SLC2A13: variants seen among roughly 807,000 people sequenced by gnomAD.
The protein encoded by SLC2A13 is solute carrier family 2 member 13.
Under a neutral mutation model 64.4 loss-of-function variants are expected in SLC2A13, and 32 were observed. The ratio of observed to expected loss-of-function variants is 0.50; its 90% CI spans 0.37 to 0.67. The LOEUF is 0.67. Ranked by LOEUF, SLC2A13 falls within the 30% of genes least tolerant of loss-of-function variation. SLC2A13 has a pLI of 0.00. For synonymous variants in SLC2A13, 338 were observed against 327.1 expected (o/e 1.03, Z -0.36); for missense variants, 743 against 829.2 (o/e 0.90, Z 1.28).
At chr12:39,803,257 A>C (rs1021715550) in intron 7 of SLC2A13, among the ~76,000 whole-genome samples, 4 of 151,768 alleles carry the variant, frequency 2.6e-5, no homozygotes, top group Non-Finnish European at 5.9e-5. Context: ...CAGAGGCTGC[A>C]CAGGATTGCC....
chr12:39,783,505 T>C (rs1404703156), intron 7 of SLC2A13, among the ~76,000 whole-genome samples: 1 of 152,186 alleles, frequency 6.6e-6, no homozygotes, highest in African/African-American at 2.4e-5. Context: ...AAAGTGTTCC[T>C]ATTACCCCAC....
At chr12:39,833,610 G>T (rs939962962) in intron 6 of SLC2A13, among the ~76,000 whole-genome samples, 1 of 151,988 alleles carries the variant, frequency 6.6e-6, no homozygotes, top group African/African-American at 2.4e-5. Context: ...TTCTGTACTG[G>T]CAGAGAAATA....
intron 4 of SLC2A13, among the ~76,000 whole-genome samples, chr12:39,900,368 G>T (rs1387591026): frequency 1.3e-5 from 2 of 152,138 alleles, no homozygotes; most frequent in Admixed American, 1.3e-4. Context: ...AAATAAAGGG[G>T]ATTATATTAG....
chr12:40,071,176 C>T (rs1243947697), intron 1 of SLC2A13, among the ~76,000 whole-genome samples: 1 of 152,124 alleles, frequency 6.6e-6, no homozygotes, highest in Non-Finnish European at 1.5e-5. Flanking sequence ...CTGATCTACG[C>T]GTGTCTATTC....
chr12:40,096,231 C>T (rs551881403), intron 1 of SLC2A13, among the ~76,000 whole-genome samples: 1 of 151,940 alleles, frequency 6.6e-6, no homozygotes, highest in East Asian at 1.9e-4. Flanking sequence ...ACCCGGCCAG[C>T]CCTGAGTTTT....
Position 39,864,886 on chromosome 12 carries a change from A to T in SLC2A13, c.1199-4T>A. The T allele has an allele frequency of 1.1e-6, 1 of 946,272 alleles. No homozygotes were observed. Among genetic ancestry groups the T allele is most frequent in the Admixed American group, 2.9e-5 (1 of 35,028 alleles). 58.6% of individuals were successfully genotyped at this position (946,272 alleles called of 1,614,324 possible). ...ATAATGAGTGCTACGGTGGTACCTT[A>T]AAAAAAAAAAGTTTTATATTAGAGA... is the stretch of plus-strand genomic sequence containing the variant. On this transcript the variant is annotated splice_region_variant and splice_polypyrimidine_tract_variant and intron_variant, in intron 5 of 9. Coordinates refer to ENST00000280871, the MANE Select transcript of SLC2A13 (RefSeq NM_052885.4).
intron 6 of SLC2A13, among the ~76,000 whole-genome samples, chr12:39,833,073 T>C (rs533839667): frequency 1.3e-5 from 2 of 152,220 alleles, no homozygotes; most frequent in Admixed American, 1.3e-4. Context: ...TGGAAATTAT[T>C]ATCATCTATG....
At chr12:39,892,968 G>C (rs1197128243) in intron 4 of SLC2A13, among the ~76,000 whole-genome samples, 17 of 152,028 alleles carry the variant, frequency 1.1e-4, no homozygotes, top group Admixed American at 9.2e-4. Context: ...CATATAATCA[G>C]AAATAAAATT....
At chr12:40,003,868 C>T (rs1035045562) in intron 3 of SLC2A13, among the ~76,000 whole-genome samples, 1 of 151,748 alleles carries the variant, frequency 6.6e-6, no homozygotes, top group Non-Finnish European at 1.5e-5. Context: ...TGACGGGCGC[C>T]GGTAATCTCA....
chr12:39,789,366 G>A (rs1047823607), intron 7 of SLC2A13, among the ~76,000 whole-genome samples: 2 of 152,030 alleles, frequency 1.3e-5, no homozygotes, highest in Admixed American at 6.6e-5. Context: ...ATTCATTCAG[G>A]TAGATGCCTT....
At chr12:39,762,312 G>T (rs1940184061) in intron 9 of SLC2A13, among the ~76,000 whole-genome samples, 1 of 149,776 alleles carries the variant, frequency 6.7e-6, no homozygotes, top group Admixed American at 6.7e-5. Context: ...CTATTGAACA[G>T]TTAGATATTC....
chr12:39,845,221 A>G (rs1943275008), intron 6 of SLC2A13, among the ~76,000 whole-genome samples: 1 of 151,772 alleles, frequency 6.6e-6, no homozygotes, highest in Non-Finnish European at 1.5e-5. Flanking sequence ...AGCACTCTAT[A>G]TTTTTTCTGC....
At chr12:39,787,304 G>A (rs1377027275) in intron 7 of SLC2A13, among the ~76,000 whole-genome samples, 1 of 152,160 alleles carries the variant, frequency 6.6e-6, no homozygotes, top group South Asian at 2.1e-4. Context: ...AGCATGAAAT[G>A]AAATTAGTAT....
chr12:39,767,741 A>G (rs932182757), intron 7 of SLC2A13, among the ~76,000 whole-genome samples: 3 of 152,082 alleles, frequency 2.0e-5, no homozygotes, highest in African/African-American at 7.2e-5. Context: ...GTGGGAGGTA[A>G]TTGAATCACG....
intron 3 of SLC2A13, among the ~76,000 whole-genome samples, chr12:40,021,102 G>A (rs915302963): frequency 2.0e-5 from 3 of 152,130 alleles, no homozygotes; most frequent in African/African-American, 4.8e-5. Context: ...ATAAAGCTTT[G>A]AAGTATTACC....
intron 1 of SLC2A13, among the ~76,000 whole-genome samples, chr12:40,085,624 TCA>T (rs1938565512): frequency 6.6e-6 from 1 of 152,228 alleles, no homozygotes; most frequent in Non-Finnish European, 1.5e-5. Flanking sequence ...GTTTTTATAC[TCA>T]CAGTGTCCAT....
chr12:39,879,420 G>A (rs4277185), intron 4 of SLC2A13, among the ~76,000 whole-genome samples: 2 of 152,092 alleles, frequency 1.3e-5, no homozygotes, highest in African/African-American at 4.8e-5. Flanking sequence ...CAGCCCTGGG[G>A]ACTGAACCCT....
intron 2 of SLC2A13, among the ~76,000 whole-genome samples, chr12:40,035,363 A>G (rs1947965694): frequency 6.6e-6 from 1 of 152,224 alleles, no homozygotes; most frequent in African/African-American, 2.4e-5. Flanking sequence ...GTTATGTTAC[A>G]GCAACTTACT....
chr12:40,002,799 T>C (rs1490125846), intron 3 of SLC2A13, among the ~76,000 whole-genome samples: 2 of 151,906 alleles, frequency 1.3e-5, no homozygotes, highest in Non-Finnish European at 2.9e-5. Flanking sequence ...GCCTAGCATG[T>C]ATGGGGCTCT....
Sources: gnomAD v4.1 joint callset for allele counts (sites outside exome capture counted in the v4.1 genomes callset) on GRCh38, gnomAD v4.1.1 for gene constraint, MANE v1.5 for transcripts, NCBI Gene and HGNC (gene_info 2026-07-23, HGNC 2026-07-21) for gene names.